Variants in ADAMTS18 observed in about 807,000 individuals in gnomAD.
ADAMTS18 encodes the protein ADAM metallopeptidase with thrombospondin type 1 motif 18.
A neutral mutation model predicts 165.9 loss-of-function variants in ADAMTS18; 157 were observed. The observed-to-expected ratio is 0.95, with a 90% CI of 0.83 to 1.08. The LOEUF is 1.08. ADAMTS18 is among the 50% of genes least tolerant of loss of function. The pLI is 0.00. For missense variants in ADAMTS18, 2,040 were observed against 1,534.0 expected, an observed-to-expected ratio of 1.33 and a Z score of -5.51; for synonymous variants, 782 against 578.2, an observed-to-expected ratio of 1.35 and a Z score of -5.06.
chr16:77,419,814 C>G (rs958058661), intron 3 of ADAMTS18, among the ~76,000 whole-genome samples: 1 of 151,852 alleles, frequency 6.6e-6, no homozygotes, highest in Non-Finnish European at 1.5e-5. Context: ...GCCTGGCCAA[C>G]ATGGTGAAAC....
intron 3 of ADAMTS18, among the ~76,000 whole-genome samples, chr16:77,385,255 G>C (rs1338347820): frequency 1.3e-5 from 2 of 152,142 alleles, no homozygotes; most frequent in Admixed American, 1.3e-4. Flanking sequence ...GTCATCGAAA[G>C]TCTAACTCCT....
At chr16:77,419,206 A>C (rs73635314) in intron 3 of ADAMTS18, among the ~76,000 whole-genome samples, 1,815 of 152,286 alleles carry the variant, frequency 0.012, 37 homozygotes, top group African/African-American at 0.041. Flanking sequence ...GTGTGGGTAC[A>C]GTGTGACTGT....
At chr16:77,410,703 C>T (rs928613477) in intron 3 of ADAMTS18, among the ~76,000 whole-genome samples, 3 of 152,018 alleles carry the variant, frequency 2.0e-5, no homozygotes, top group African/African-American at 7.2e-5. Context: ...GCTGAGAAAC[C>T]GATGGTATAA....
chr16:77,425,073 A>G (rs1157990338), intron 3 of ADAMTS18, among the ~76,000 whole-genome samples: 1 of 152,154 alleles, frequency 6.6e-6, no homozygotes, highest in African/African-American at 2.4e-5. Flanking sequence ...AAAGGGGGAG[A>G]TCAAAGCGTC....
chr16:77,314,588 G>A (rs1441794217), intron 16 of ADAMTS18, among the ~76,000 whole-genome samples: 1 of 141,462 alleles, frequency 7.1e-6, no homozygotes, highest in African/African-American at 2.7e-5. Context: ...CTCCAGCCTG[G>A]GCAACAAGAG....
At position 77,355,987 on chromosome 16, in the gene ADAMTS18, C is replaced by T; in HGVS notation, c.1413G>A (p.Val471=). The change falls in exon 9 of 23, where the codon GTG becomes GTA. Residue 471 remains valine (V), a synonymous_variant. Coordinates refer to ENST00000282849, the MANE Select transcript of ADAMTS18 (RefSeq NM_199355.4). The part of the protein sequence containing the change: ...MSPTLTGNNG[V]FSWSSCSRQY... ...GGCGGCTGCAGGAAGACCATGAAAA[C>T]ACTCCATTGTTTCCGGTCAGTGTGG... 1 of 1,614,078 alleles carries T rather than the reference C, an allele frequency of 6.2e-7. No homozygotes were observed. Among genetic ancestry groups the T allele is most frequent in the Non-Finnish European group, 8.5e-7 (1 of 1,179,984 alleles).
chr16:77,359,445 A>G, intron 7 of ADAMTS18, 22 bp from the exon 8 acceptor site: 1 of 1,593,072 alleles, frequency 6.3e-7, no homozygotes, highest in Non-Finnish European at 8.6e-7. Context: ...GCAGTTTCAA[A>G]TGTGAATCCA....
At chr16:77,297,986 G>A (rs538127971) in intron 17 of ADAMTS18, among the ~76,000 whole-genome samples, 3 of 134,442 alleles carry the variant, frequency 2.2e-5, no homozygotes, top group Non-Finnish European at 3.1e-5. Context: ...GTGCAGTGGC[G>A]TGATCTTGGC....
chr16:77,305,444 A>T (rs2055664033), intron 16 of ADAMTS18, among the ~76,000 whole-genome samples: 1 of 152,236 alleles, frequency 6.6e-6, no homozygotes, highest in African/African-American at 2.4e-5. Context: ...ATGAAAATTC[A>T]ACAGTCATTG....
At chr16:77,394,061 T>G (rs2057225490) in intron 3 of ADAMTS18, among the ~76,000 whole-genome samples, 1 of 152,232 alleles carries the variant, frequency 6.6e-6, no homozygotes. Flanking sequence ...TTTTATTTGT[T>G]TTTCAAGACC....
intron 17 of ADAMTS18, among the ~76,000 whole-genome samples, chr16:77,298,751 T>C: frequency 6.6e-6 from 1 of 152,314 alleles, no homozygotes; most frequent in African/African-American, 2.4e-5. Context: ...GTAATTGTGC[T>C]ACTGCATTCC....
intron 22 of ADAMTS18, among the ~76,000 whole-genome samples, chr16:77,288,725 G>A (rs1375440678): frequency 4.6e-5 from 7 of 152,116 alleles, no homozygotes; most frequent in Non-Finnish European, 1.0e-4. Context: ...GAGGGCTATT[G>A]TTGTTCACCT....
chr16:77,349,524 T>TAAAAAAAAAAAA lies in ADAMTS18; in HGVS notation c.1614+4197_1614+4208dup, dbSNP rs767997537. Among the ~76,000 whole-genome samples the TAAAAAAAAAAAA allele has an allele frequency of 4.2e-5, 3 of 71,518 alleles. 1 individual carries two copies. The highest frequency in any genetic ancestry group is 1.2e-4 in the African/African-American group (2 of 17,060). 46.9% of individuals were successfully genotyped at this position (71,518 alleles called of 152,430 possible). A position where few individuals can be genotyped will look rare whatever the true frequency, so the allele number is the denominator to read the frequency against. ...CCCCATTTGTTTATGTCATCTTATG[T>TAAAAAAAAAAAA]AAAAAAAAAAAAAAAAAAAAAAAAG... On this transcript the variant is annotated intron_variant, in intron 10 of 22. Coordinates refer to ENST00000282849, the MANE Select transcript of ADAMTS18 (RefSeq NM_199355.4).
At chr16:77,293,292 C>T in intron 19 of ADAMTS18, 34 bp from the exon 20 acceptor site, 1 of 1,575,484 alleles carries the variant, frequency 6.3e-7, no homozygotes, top group East Asian at 2.2e-5. Flanking sequence ...TTTGCATTCC[C>T]ATTAGGTTTC....
chr16:77,416,264 G>A (rs979531278), intron 3 of ADAMTS18, among the ~76,000 whole-genome samples: 3 of 152,154 alleles, frequency 2.0e-5, no homozygotes, highest in Admixed American at 6.5e-5. Context: ...GTGGAGCCCA[G>A]TGGAAGAGCT....
At chr16:77,421,457 T>C (rs1490514822) in intron 3 of ADAMTS18, among the ~76,000 whole-genome samples, 2 of 152,266 alleles carry the variant, frequency 1.3e-5, no homozygotes, top group African/African-American at 4.8e-5. Context: ...GGCCTGTTTA[T>C]ATTTAGACTT....
chr16:77,345,656 A>G (rs976782386), intron 10 of ADAMTS18, among the ~76,000 whole-genome samples: 2 of 152,178 alleles, frequency 1.3e-5, no homozygotes, highest in Admixed American at 6.5e-5. Flanking sequence ...GTTAAACCTG[A>G]ATTTACATTA....
At chr16:77,374,818 G>C (rs1277507557) in intron 3 of ADAMTS18, among the ~76,000 whole-genome samples, 1 of 152,078 alleles carries the variant, frequency 6.6e-6, no homozygotes, top group Non-Finnish European at 1.5e-5. Context: ...CACATAGCCT[G>C]TCATCTTCCT....
chr16:77,330,414 C>A (rs1010730633), intron 12 of ADAMTS18, among the ~76,000 whole-genome samples: 1 of 152,204 alleles, frequency 6.6e-6, no homozygotes, highest in Non-Finnish European at 1.5e-5. Context: ...ACTATGGGAA[C>A]TTAATCTGAC....
Sources: allele counts gnomAD v4.1 joint callset (sites outside exome capture counted in the v4.1 genomes callset), GRCh38; gene constraint gnomAD v4.1.1; transcripts MANE v1.5; gene names NCBI Gene and HGNC (gene_info 2026-07-23, HGNC 2026-07-21).